TNNI3K: variants seen among roughly 807,000 people sequenced by gnomAD.
TNNI3K encodes serine/threonine-protein kinase TNNI3K.
TNNI3K carries 140 observed loss-of-function variants against 114.5 expected under a neutral mutation model. The observed-to-expected ratio is 1.22, with a 90% confidence interval of 1.07 to 1.41. TNNI3K has a LOEUF of 1.41. Ranked by LOEUF, TNNI3K falls within the 40% of genes most tolerant of loss-of-function variation. TNNI3K has a pLI of 0.00. For missense variants in TNNI3K, 1,125 were observed against 1,007.6 expected, an observed-to-expected ratio of 1.12 and a Z score of -1.58; for synonymous variants, 347 against 347.5, an observed-to-expected ratio of 1.00 and a Z score of 0.02.
chr1:74,334,079 G>T (rs1181866909), intron 6 of TNNI3K, among the ~76,000 whole-genome samples: 1 of 152,174 alleles, frequency 6.6e-6, no homozygotes, highest in Non-Finnish European at 1.5e-5. Context: ...CTTTTCATGC[G>T]ATGACTTATT....
chr1:74,407,173 T>C (rs988179992), intron 17 of TNNI3K, among the ~76,000 whole-genome samples: 1 of 152,206 alleles, frequency 6.6e-6, no homozygotes, highest in African/African-American at 2.4e-5. Flanking sequence ...TCCTCTGCAC[T>C]TAAAATAAAT....
At position 74,409,015 on chromosome 1, in the gene TNNI3K, T is replaced by C. The variant is rs1664755032; in HGVS notation, c.1773-27065T>C. Among the ~76,000 whole-genome samples the C allele has an allele frequency of 2.0e-5, 3 of 152,046 alleles. No individual in the cohort carries two copies. The South Asian group carries it at 6.2e-4, about 31-fold the overall frequency. ...AACAAAAAAAAAAAAAATAGAGTCTTCTTAAAGGTACCAGAATTAACTATT... is the reference window on the plus strand; with the variant it reads ...AACAAAAAAAAAAAAAATAGAGTCTCCTTAAAGGTACCAGAATTAACTATT... On this transcript the variant is annotated intron_variant, in intron 17 of 24. Transcript: ENST00000326637.
intron 21 of TNNI3K, chr1:74,480,988 G>T: frequency 1.4e-6 from 1 of 694,792 alleles, no homozygotes; most frequent in South Asian, 1.6e-5. Flanking sequence ...AAAAAGCACA[G>T]ACTAGATGCA....
chr1:74,500,323 T>G (rs1230981424), intron 23 of TNNI3K, among the ~76,000 whole-genome samples: 1 of 152,102 alleles, frequency 6.6e-6, no homozygotes, highest in Non-Finnish European at 1.5e-5. Flanking sequence ...TCATTTTTCT[T>G]TTCCATAAAT....
At chr1:74,516,565 G>A (rs564691890) in intron 23 of TNNI3K, among the ~76,000 whole-genome samples, 1 of 152,264 alleles carries the variant, frequency 6.6e-6, no homozygotes, top group Admixed American at 6.5e-5. Flanking sequence ...TAGAGGATGA[G>A]GCTGGAGAAA....
intron 17 of TNNI3K, among the ~76,000 whole-genome samples, chr1:74,410,005 C>T (rs1458216496): frequency 2.0e-5 from 3 of 152,102 alleles, no homozygotes; most frequent in Non-Finnish European, 4.4e-5. Context: ...AATAGTTTAA[C>T]CCCTGATCTC....
chr1:74,256,393 T>A (rs1655311236), intron 4 of TNNI3K, among the ~76,000 whole-genome samples: 1 of 150,310 alleles, frequency 6.7e-6, no homozygotes, highest in Admixed American at 6.7e-5. Flanking sequence ...AGAGGTTGAA[T>A]AGGTTTTTAT....
chr1:74,314,511 A>G (rs77603131), intron 5 of TNNI3K, among the ~76,000 whole-genome samples: 3,441 of 152,248 alleles, frequency 0.023, 87 homozygotes, highest in Middle Eastern at 0.082. Flanking sequence ...TCTCAATGAA[A>G]AAAATGAAAG....
chr1:74,520,430 T>C (rs1646415609), intron 23 of TNNI3K, among the ~76,000 whole-genome samples: 1 of 152,034 alleles, frequency 6.6e-6, no homozygotes. Context: ...TGGATTCTCC[T>C]CTCTTCTCCT....
At chr1:74,536,183 T>A (rs187260921) in intron 23 of TNNI3K, among the ~76,000 whole-genome samples, 40 of 152,254 alleles carry the variant, frequency 2.6e-4, no homozygotes, top group African/African-American at 9.6e-4. Flanking sequence ...CTAGCACTTT[T>A]CCCATTCTTC....
intron 17 of TNNI3K, among the ~76,000 whole-genome samples, chr1:74,408,863 G>T (rs1158918542): frequency 6.6e-6 from 1 of 151,996 alleles, no homozygotes; most frequent in East Asian, 1.9e-4. Context: ...ACATTTTGTT[G>T]TACTATTTTG....
rs1183302277 is a variant in TNNI3K, at chr1:74,386,822, T to C, written c.1772+16430T>C. ...TCAAAATAAACATGATGAAGGTATT[T>C]GTGATAAATTAAATCATCCCTTGAT... On this transcript the variant is annotated intron_variant, in intron 17 of 24. Transcript: ENST00000326637. 3.3e-5 allele frequency among the ~76,000 whole-genome samples: 5 copies of C among 152,328 alleles called. No homozygotes were observed. The East Asian group carries it at 9.6e-4, about 29-fold the overall frequency.
intron 5 of TNNI3K, among the ~76,000 whole-genome samples, chr1:74,305,835 G>T (rs575760705): frequency 7.0e-4 from 107 of 152,138 alleles, no homozygotes; most frequent in Non-Finnish European, 1.3e-3. Context: ...CACATTTATT[G>T]TCATACTTTT....
At chr1:74,497,840 TC>T (rs1669408771) in intron 23 of TNNI3K, among the ~76,000 whole-genome samples, 1 of 152,182 alleles carries the variant, frequency 6.6e-6, no homozygotes, top group African/African-American at 2.4e-5. Context: ...TTAAGTGAAT[TC>T]CGGAGTCCAA....
At chr1:74,482,836 C>G (rs2100265292) in intron 21 of TNNI3K, among the ~76,000 whole-genome samples, 1 of 152,288 alleles carries the variant, frequency 6.6e-6, no homozygotes, top group South Asian at 2.1e-4. Context: ...AAATGAGACG[C>G]ACTTTGATAA....
chr1:74,327,936 A>G (rs1392008737), intron 5 of TNNI3K, among the ~76,000 whole-genome samples: 1 of 151,574 alleles, frequency 6.6e-6, no homozygotes, highest in Non-Finnish European at 1.5e-5. Flanking sequence ...AAAAAAATTC[A>G]AAATAACAGA....
chr1:74,516,019 C>T (rs1221583718), intron 23 of TNNI3K, among the ~76,000 whole-genome samples: 1 of 152,110 alleles, frequency 6.6e-6, no homozygotes. Context: ...TCTTTAGGAG[C>T]CTCACTAGAG....
chr1:74,361,686 A>G (rs1661975037), intron 11 of TNNI3K, among the ~76,000 whole-genome samples: 2 of 152,226 alleles, frequency 1.3e-5, no homozygotes, highest in East Asian at 3.9e-4. Flanking sequence ...ATAAGAAGGA[A>G]ATGCAATGGT....
chr1:74,463,353 T>G, intron 20 of TNNI3K, 88 bp from the exon 21 acceptor site: 3 of 1,420,366 alleles, frequency 2.1e-6, no homozygotes, highest in South Asian at 2.3e-5. Context: ...AGATTGATTT[T>G]TAATGCCTTT....
Sources: gnomAD v4.1 joint callset for allele counts (sites outside exome capture counted in the v4.1 genomes callset) on GRCh38, gnomAD v4.1.1 for gene constraint, MANE v1.5 for transcripts, NCBI Gene and HGNC (gene_info 2026-07-23, HGNC 2026-07-21) for gene names.